The following MICAL3 variants were observed in gnomAD, a reference collection of about 807,000 sequenced individuals.
The protein encoded by MICAL3 is microtubule associated monooxygenase, calponin and LIM domain containing 3, also known as [F-actin]-monooxygenase MICAL3.
A neutral mutation model predicts 207.4 loss-of-function variants in MICAL3; 62 were observed. The observed-to-expected ratio is 0.30, with a 90% CI of 0.24 to 0.37. The LOEUF is 0.37. Ranked by LOEUF, MICAL3 falls within the 10% of genes least tolerant of loss-of-function variation. The probability of loss-of-function intolerance (pLI) is 1.00; values close to 1 mark genes in which losing one functional copy is unlikely to be tolerated. For missense variants in MICAL3, 2,368 were observed against 2,635.6 expected, an observed-to-expected ratio of 0.90 and a Z score of 2.22; for synonymous variants, 1,077 against 1,069.3, an observed-to-expected ratio of 1.01 and a Z score of -0.14.
intron 29 of MICAL3, among the ~76,000 whole-genome samples, chr22:17,798,445 C>T (rs1250423818): frequency 1.3e-5 from 2 of 152,152 alleles, no homozygotes; most frequent in Non-Finnish European, 2.9e-5. Context: ...CGCTCCAAGG[C>T]GTCAGGGACA....
chr22:17,880,673 C>T (rs368129083), intron 16 of MICAL3, among the ~76,000 whole-genome samples: 1 of 152,238 alleles, frequency 6.6e-6, no homozygotes, highest in Non-Finnish European at 1.5e-5. Flanking sequence ...CTGGCCACAG[C>T]TGTGGCTGGC....
rs938020884 is a variant in MICAL3, at chr22:17,905,544, G to C, written c.265-705C>G. On this transcript the variant is annotated intron_variant, in intron 2 of 31. Coordinates refer to ENST00000441493, the MANE Select transcript of MICAL3 (RefSeq NM_015241.3). ...TTAGTGGAGTCCAGTACTCACTCAT[G>C]AAAGTCATGCCTTTACAGTTCTTGA... Among the ~76,000 whole-genome samples the C allele has an allele frequency of 1.5e-4, 23 of 152,288 alleles. No individual in the cohort carries two copies. In the South Asian group the frequency reaches 4.6e-3, roughly 30 times the overall value.
At chr22:17,946,544 T>C (rs1934076025) in intron 1 of MICAL3, among the ~76,000 whole-genome samples, 1 of 152,098 alleles carries the variant, frequency 6.6e-6, no homozygotes, top group South Asian at 2.1e-4. Context: ...CCGGAATGTC[T>C]CAGCACATGC....
chr22:17,999,684 T>C (rs914889085), intron 1 of MICAL3, among the ~76,000 whole-genome samples: 24 of 152,168 alleles, frequency 1.6e-4, no homozygotes, highest in African/African-American at 5.8e-4. Context: ...AATTACAATA[T>C]GCAGTCAAGT....
At chr22:17,957,296 C>T (rs1934662045) in intron 1 of MICAL3, among the ~76,000 whole-genome samples, 1 of 152,226 alleles carries the variant, frequency 6.6e-6, no homozygotes, top group Non-Finnish European at 1.5e-5. Flanking sequence ...GCTGGCTACA[C>T]TGGCTCTGGG....
intron 19 of MICAL3, among the ~76,000 whole-genome samples, chr22:17,852,816 T>C (rs1925479328): frequency 1.3e-5 from 2 of 152,224 alleles, no homozygotes; most frequent in African/African-American, 4.8e-5. Context: ...GGCTCATGCC[T>C]GTCATCCCAG....
In MICAL3 at chr22:17,998,563, A is replaced by AT. The variant is rs563326449; in HGVS notation, c.-75+25717dup. Among the ~76,000 whole-genome samples, 96 of 128,254 alleles carry AT rather than the reference A, an allele frequency of 7.5e-4. 2 individuals are homozygous for AT. The South Asian group carries it at 0.016, about 21-fold the overall frequency. 84.1% of individuals were successfully genotyped at this position (128,254 alleles called of 152,430 possible). Reference sequence around the variant, plus strand: ...AATAATAATAATTATTATTATTATTATTTTTTTTTTGAGATGAAGTCTCGC... The same window carrying AT: ...AATAATAATAATTATTATTATTATTATTTTTTTTTTTGAGATGAAGTCTCGC... On this transcript the variant is annotated intron_variant, in intron 1 of 31. Transcript: ENST00000441493.
chr22:17,996,556 A>G (rs1922300610), intron 1 of MICAL3, among the ~76,000 whole-genome samples: 2 of 152,118 alleles, frequency 1.3e-5, no homozygotes, highest in African/African-American at 4.8e-5. Flanking sequence ...GCCCACCTCC[A>G]AGAAAACAGC....
chr22:17,919,376 A>C (rs9604804), intron 1 of MICAL3, among the ~76,000 whole-genome samples: 6,946 of 152,248 alleles, frequency 0.046, 235 homozygotes, highest in African/African-American at 0.097. Context: ...ATTTACTTAC[A>C]ATCCATCTTT....
chr22:17,804,078 C>T (rs553230898), intron 29 of MICAL3, among the ~76,000 whole-genome samples: 2 of 152,262 alleles, frequency 1.3e-5, no homozygotes, highest in South Asian at 2.1e-4. Flanking sequence ...TGCGTGGCTG[C>T]GGGAGGAGGG....
chr22:17,800,789 C>T (rs1028340822), intron 29 of MICAL3, among the ~76,000 whole-genome samples: 6 of 152,308 alleles, frequency 3.9e-5, no homozygotes, highest in African/African-American at 1.2e-4. Flanking sequence ...CCAGGTTTTA[C>T]ATATGAGGCT....
At chr22:17,792,890 C>A (rs944430769) in intron 29 of MICAL3, among the ~76,000 whole-genome samples, 2 of 152,236 alleles carry the variant, frequency 1.3e-5, no homozygotes, top group Non-Finnish European at 2.9e-5. Flanking sequence ...AAGCCAGCCC[C>A]CACTCAGTTC....
intron 29 of MICAL3, chr22:17,803,918 C>G (rs964653150): frequency 3.6e-5 from 29 of 798,626 alleles, no homozygotes; most frequent in African/African-American, 3.5e-4. Context: ...CTCCTGTCCC[C>G]CCATACCCAA....
At chr22:17,805,415 G>A (rs1186347105) in intron 29 of MICAL3, among the ~76,000 whole-genome samples, 1 of 152,216 alleles carries the variant, frequency 6.6e-6, no homozygotes, top group Admixed American at 6.5e-5. Flanking sequence ...GAACATATTT[G>A]GAAATTCTTA....
At chr22:17,817,027 C>T (rs1450529197) in intron 26 of MICAL3, among the ~76,000 whole-genome samples, 3 of 151,954 alleles carry the variant, frequency 2.0e-5, no homozygotes, top group African/African-American at 7.3e-5. Context: ...GTAGCACTGC[C>T]CTCTGCCCTG....
chr22:17,791,318 T>C lies in MICAL3; in HGVS notation c.5651-17A>G. On this transcript the variant is annotated splice_polypyrimidine_tract_variant and intron_variant, in intron 29 of 31. Coordinates refer to ENST00000441493, the MANE Select transcript of MICAL3 (RefSeq NM_015241.3). ...TGCCCATGCCTGCCGAGAGAACGCT[T>C]GTGTCGGGTGCAGGGAGTGCCGCGC... 1 of 1,607,816 alleles carries C rather than the reference T, an allele frequency of 6.2e-7. No homozygotes were observed. Among genetic ancestry groups the C allele is most frequent in the Non-Finnish European group, 8.5e-7 (1 of 1,176,186 alleles).
intron 1 of MICAL3, among the ~76,000 whole-genome samples, chr22:17,977,978 C>T (rs1935732783): frequency 6.6e-6 from 1 of 152,046 alleles, no homozygotes; most frequent in African/African-American, 2.4e-5. Context: ...GCAGAGATCA[C>T]AGCACTGCAC....
chr22:17,852,178 T>C (rs528355510), intron 19 of MICAL3, among the ~76,000 whole-genome samples: 71 of 152,046 alleles, frequency 4.7e-4, no homozygotes, highest in African/African-American at 1.7e-3. Flanking sequence ...CTTAAATAGG[T>C]TCAGATGCCT....
rs1346563709 is a variant in MICAL3 at position 17,972,578 on chromosome 22, G to GCTCACCCCA, written c.-75+51702_-75+51703insTGGGGTGAG. Among the ~76,000 whole-genome samples the GCTCACCCCA allele has an allele frequency of 2.0e-5, 3 of 152,296 alleles. No homozygotes were observed. The East Asian group carries it at 5.8e-4, about 29-fold the overall frequency. ...CGGGCAGCTCACCCCCATCTTCAGG[G>GCTCACCCCA]CCTTGGAGGCAGAAGGAAGATTCCC... On this transcript the variant is annotated intron_variant, in intron 1 of 31. Coordinates refer to ENST00000441493, the MANE Select transcript of MICAL3 (RefSeq NM_015241.3).
Sources: gnomAD v4.1 joint callset for allele counts (sites outside exome capture counted in the v4.1 genomes callset) on GRCh38, gnomAD v4.1.1 for gene constraint, MANE v1.5 for transcripts, NCBI Gene and HGNC (gene_info 2026-07-23, HGNC 2026-07-21) for gene names.